Variants in TRABD2B observed in about 807,000 individuals in gnomAD.
TRABD2B encodes TraB domain containing 2B.
TRABD2B carries 14 observed loss-of-function variants against 40.1 expected under a neutral mutation model. That is an observed-to-expected ratio of 0.35 (90% CI 0.23 to 0.55). The LOEUF (loss-of-function observed/expected upper bound fraction) is 0.55, where lower values mean the gene tolerates loss of function less well. Ranked by LOEUF, TRABD2B falls within the 20% of genes least tolerant of loss-of-function variation. The pLI is 0.90. For synonymous variants in TRABD2B, 263 were observed against 277.0 expected, an observed-to-expected ratio of 0.95 and a Z score of 0.50; for missense variants, 541 against 648.6, an observed-to-expected ratio of 0.83 and a Z score of 1.80.
At chr1:47,937,970 C>A (rs1645135954) in intron 2 of TRABD2B, among the ~76,000 whole-genome samples, 1 of 152,226 alleles carries the variant, frequency 6.6e-6, no homozygotes, top group Non-Finnish European at 1.5e-5. Flanking sequence ...TAGCTCCCCA[C>A]CTCAATCCCA....
intron 4 of TRABD2B, among the ~76,000 whole-genome samples, chr1:47,779,185 G>C (rs1410630124): frequency 6.6e-6 from 1 of 152,230 alleles, no homozygotes; most frequent in Non-Finnish European, 1.5e-5. Context: ...CATCCACCTA[G>C]TACCTGTGGA....
intron 2 of TRABD2B, among the ~76,000 whole-genome samples, chr1:47,809,719 T>G (rs1403281292): frequency 2.0e-5 from 3 of 152,216 alleles, no homozygotes; most frequent in Non-Finnish European, 4.4e-5. Context: ...CCTCCAGCAC[T>G]GAATCCTGTC....
chr1:47,934,540 C>A (rs78464502), intron 2 of TRABD2B, among the ~76,000 whole-genome samples: 3,191 of 152,330 alleles, frequency 0.021, 127 homozygotes, highest in African/African-American at 0.073. Flanking sequence ...CCTTGGATCT[C>A]CCCTCGCGTG....
rs1442410027 is a variant in TRABD2B, at chr1:47,909,857, T to C, written c.666+84177A>G. Among the ~76,000 whole-genome samples the C allele has an allele frequency of 1.8e-3, 246 of 134,668 alleles. 5 individuals are homozygous for C. The highest frequency in any genetic ancestry group is 3.7e-3 in the Non-Finnish European group (234 of 63,188). 88.3% of individuals were successfully genotyped at this position (134,668 alleles called of 152,430 possible). On this transcript the variant is annotated intron_variant, in intron 2 of 6. Transcript: ENST00000606738. ...CTTTCTTTCTTTCTTGTGGGTTGTA[T>C]TTATGTACTTATTTTGAGACACTTT...
chr1:47,960,599 C>T (rs1043690143), intron 2 of TRABD2B, among the ~76,000 whole-genome samples: 2 of 152,134 alleles, frequency 1.3e-5, no homozygotes, highest in East Asian at 1.9e-4. Flanking sequence ...CATGAGTCAA[C>T]TCCTATTCAC....
At chr1:47,938,505 T>C (rs1386382982) in intron 2 of TRABD2B, among the ~76,000 whole-genome samples, 1 of 152,220 alleles carries the variant, frequency 6.6e-6, no homozygotes, top group Non-Finnish European at 1.5e-5. Context: ...CCAACCTGTC[T>C]TCTTTTTGGA....
rs1221094739 is a variant in TRABD2B at position 47,778,693 on chromosome 1, G to A, written c.989-149C>T. 4 of 655,796 alleles carry A rather than the reference G, an allele frequency of 6.1e-6. No individual in the cohort carries two copies. In the East Asian group the frequency reaches 1.1e-4, roughly 18 times the overall value. The allele number at this position is 655,796 out of a possible 1,614,324, so 40.6% of individuals were successfully genotyped here. A position where few individuals can be genotyped will look rare whatever the true frequency, so the allele number is the denominator to read the frequency against. On this transcript the variant is annotated intron_variant, in intron 4 of 6. Transcript: ENST00000606738. ...ATTCCCTGAGAGGCAGTATAGCATA[G>A]AAGGTAAGACATGGTCCTGGTGCCA...
intron 2 of TRABD2B, among the ~76,000 whole-genome samples, chr1:47,884,923 T>C (rs949282532): frequency 2.0e-5 from 3 of 152,132 alleles, no homozygotes; most frequent in Non-Finnish European, 4.4e-5. Flanking sequence ...GCCAGGATCA[T>C]CTTTTTAAAC....
chr1:47,970,440 G>A (rs1645664851), intron 2 of TRABD2B, among the ~76,000 whole-genome samples: 1 of 152,084 alleles, frequency 6.6e-6, no homozygotes, highest in Non-Finnish European at 1.5e-5. Context: ...TCCTTACACT[G>A]ACATTTAAGA....
chr1:47,785,878 G>A (rs1447672104), intron 4 of TRABD2B, among the ~76,000 whole-genome samples: 2 of 152,200 alleles, frequency 1.3e-5, no homozygotes, highest in African/African-American at 4.8e-5. Context: ...CGCCTCCTGA[G>A]CCTCAGTGCT....
At chr1:47,815,853 A>AT (rs1645025509) in intron 2 of TRABD2B, among the ~76,000 whole-genome samples, 1 of 148,538 alleles carries the variant, frequency 6.7e-6, no homozygotes, top group African/African-American at 2.5e-5. Flanking sequence ...AGATAGATAG[A>AT]AATAGAGTCA....
intron 4 of TRABD2B, among the ~76,000 whole-genome samples, chr1:47,784,102 G>A (rs748958412): frequency 1.3e-5 from 2 of 152,070 alleles, no homozygotes; most frequent in South Asian, 2.1e-4. Flanking sequence ...TCCTTGCAGC[G>A]GCCCTTTGAG....
At chr1:47,836,664 G>A (rs1645322658) in intron 2 of TRABD2B, among the ~76,000 whole-genome samples, 1 of 152,238 alleles carries the variant, frequency 6.6e-6, no homozygotes, top group South Asian at 2.1e-4. Flanking sequence ...AAAGTTCATT[G>A]TTGAAACCTA....
chr1:47,861,377 T>C (rs12567595), intron 2 of TRABD2B, among the ~76,000 whole-genome samples: 53,648 of 151,806 alleles, frequency 0.35, 9,606 homozygotes, highest in East Asian at 0.49. Context: ...CCCCCCACCC[T>C]GCAACAATGA....
chr1:47,857,684 A>G (rs937528456), intron 2 of TRABD2B, among the ~76,000 whole-genome samples: 1 of 152,006 alleles, frequency 6.6e-6, no homozygotes, highest in African/African-American at 2.4e-5. Context: ...GCCTCCAAGA[A>G]TAATGAAAGA....
intron 3 of TRABD2B, among the ~76,000 whole-genome samples, chr1:47,795,896 AT>A (rs1644741704): frequency 6.6e-6 from 1 of 152,126 alleles, no homozygotes; most frequent in Non-Finnish European, 1.5e-5. Flanking sequence ...GTGTTTTGCC[AT>A]CACCCCACAC....
At chr1:47,945,718 G>A (rs936420703) in intron 2 of TRABD2B, among the ~76,000 whole-genome samples, 1 of 152,178 alleles carries the variant, frequency 6.6e-6, no homozygotes, top group African/African-American at 2.4e-5. Flanking sequence ...ATTCATCAAT[G>A]TTGGGCCTGT....
At chr1:47,898,449 C>T (rs1188872340) in intron 2 of TRABD2B, among the ~76,000 whole-genome samples, 8 of 152,192 alleles carry the variant, frequency 5.3e-5, no homozygotes, top group Non-Finnish European at 1.2e-4. Context: ...GAAAAACACA[C>T]AGAAAAGGAG....
chr1:47,800,711 C>T (rs1424270900), intron 3 of TRABD2B, among the ~76,000 whole-genome samples: 3 of 152,176 alleles, frequency 2.0e-5, no homozygotes, highest in Admixed American at 1.3e-4. Context: ...TGGGAGAATG[C>T]CTGACCCTAT....
Sources: gnomAD v4.1 joint callset for allele counts (sites outside exome capture counted in the v4.1 genomes callset) on GRCh38, gnomAD v4.1.1 for gene constraint, MANE v1.5 for transcripts, NCBI Gene and HGNC (gene_info 2026-07-23, HGNC 2026-07-21) for gene names.